PSMA1: variants seen among roughly 807,000 people sequenced by gnomAD.
The protein encoded by PSMA1 is proteasome 20S subunit alpha 1.
PSMA1 carries 3 observed loss-of-function variants against 38.4 expected under a neutral mutation model. The ratio of observed to expected loss-of-function variants is 0.08; its 90% CI spans 0.04 to 0.20. PSMA1 has a LOEUF of 0.20. Among genes scored for constraint, PSMA1 ranks in the 10% least tolerant of loss-of-function variants. The pLI, the probability that PSMA1 is intolerant of heterozygous loss-of-function variation, is 1.00. For synonymous variants in PSMA1, 101 were observed against 107.1 expected (o/e 0.94, Z 0.35); for missense variants, 227 against 325.3 (o/e 0.70, Z 2.32).
Position 14,517,642 on chromosome 11 carries a change from C to A in PSMA1, c.254G>T (p.Cys85Phe). 4 of 1,566,942 alleles carry A rather than the reference C, an allele frequency of 2.6e-6. No individual in the cohort carries two copies. The highest frequency in any genetic ancestry group is 2.0e-5 in the Admixed American group (1 of 50,256). ...GTTTATTTTTCATGATTATACTTAC[C>A]ATAACAGTCTAGCATCAGCAGTAAG... is the stretch of plus-strand genomic sequence containing the variant. ...AGLTADARLL[C>F]NFMRQECLDS... The change falls in exon 4 of 10, where the codon TGT becomes TTT. Residue 85 changes from cysteine to phenylalanine, a missense_variant and splice_region_variant. Physicochemically the swap from Cys to Phe is radical, Grantham distance 205 (BLOSUM62 -2). Transcript: ENST00000396394.
At chr11:14,529,215 T>C (rs1851620248) in intron 2 of PSMA1, among the ~76,000 whole-genome samples, 1 of 152,180 alleles carries the variant, frequency 6.6e-6, no homozygotes, top group African/African-American at 2.4e-5. Context: ...AAGAGCCAAG[T>C]TGAAAATTTT....
At chr11:14,629,852 G>GGTTTGTA (rs1299245592) in intron 1 of PSMA1, among the ~76,000 whole-genome samples, 4 of 151,940 alleles carry the variant, frequency 2.6e-5, no homozygotes, top group Non-Finnish European at 5.9e-5. Context: ...CTTGAGCAGT[G>GGTTTGTA]GTTTGTAGTT....
At chr11:14,614,798 T>C (rs538611660) in intron 1 of PSMA1, among the ~76,000 whole-genome samples, 197 of 152,326 alleles carry the variant, frequency 1.3e-3, no homozygotes, top group South Asian at 6.2e-3. Context: ...GCCTGGACTA[T>C]GGCAAAGATC....
chr11:14,594,856 C>G (rs1386997451), intron 2 of PSMA1, among the ~76,000 whole-genome samples: 2 of 152,070 alleles, frequency 1.3e-5, no homozygotes, highest in Admixed American at 6.5e-5. Flanking sequence ...GTTTGCTGCA[C>G]TCATCAACTC....
intron 1 of PSMA1, among the ~76,000 whole-genome samples, chr11:14,638,533 CTCTCTCTCTCTCTATATA>C (rs1853143935): frequency 3.5e-5 from 1 of 28,972 alleles, no homozygotes; most frequent in Non-Finnish European, 6.4e-5. Context: ...CTCTCTCTCT[CTCTCTCTCTCTCTATATA>C]TATATATATA....
chr11:14,540,886 T>C (rs1218379275), intron 2 of PSMA1, among the ~76,000 whole-genome samples: 1 of 149,052 alleles, frequency 6.7e-6, no homozygotes, highest in Non-Finnish European at 1.5e-5. Context: ...AAAAATGTTA[T>C]AAAGTTAACA....
chr11:14,594,525 T>C (rs990986687), intron 2 of PSMA1, among the ~76,000 whole-genome samples: 4 of 152,234 alleles, frequency 2.6e-5, no homozygotes, highest in Non-Finnish European at 4.4e-5. Flanking sequence ...AGTAAATAAG[T>C]GTTCAATATT....
intron 1 of PSMA1, chr11:14,611,193 T>C (rs949941219): frequency 3.8e-5 from 20 of 522,952 alleles, no homozygotes; most frequent in Admixed American, 7.2e-5. Context: ...TGAGTTATAT[T>C]AGATCTTCAT....
At chr11:14,529,483 C>A (rs939521131) in intron 2 of PSMA1, among the ~76,000 whole-genome samples, 1 of 152,198 alleles carries the variant, frequency 6.6e-6, no homozygotes, top group African/African-American at 2.4e-5. Context: ...CTAATCGCCA[C>A]CACATCTGCC....
chr11:14,622,142 T>A (rs1003209113), intron 1 of PSMA1, among the ~76,000 whole-genome samples: 4 of 152,200 alleles, frequency 2.6e-5, no homozygotes, highest in African/African-American at 7.2e-5. Context: ...AGTCAAGCAA[T>A]TAGTAGCCCC....
chr11:14,621,290 T>C (rs541802548), intron 1 of PSMA1, among the ~76,000 whole-genome samples: 48 of 152,152 alleles, frequency 3.2e-4, no homozygotes, highest in Admixed American at 7.2e-4. Context: ...CTTTTCTTTT[T>C]TTTTTTAATT....
chr11:14,517,557 C>T lies in PSMA1; in HGVS notation c.254+85G>A, dbSNP rs576114750. ...TTACAAGAACTTTGGCAGACAACTTCCTAAAATACCTTATCTGGATCTTTT... is the reference window on the plus strand; with the variant it reads ...TTACAAGAACTTTGGCAGACAACTTTCTAAAATACCTTATCTGGATCTTTT... On this transcript the variant is annotated intron_variant, in intron 4 of 9. Coordinates refer to ENST00000396394, the MANE Select transcript of PSMA1 (RefSeq NM_002786.4). 59 of 1,125,694 alleles carry T rather than the reference C, an allele frequency of 5.2e-5. No individual in the cohort carries two copies. In the African/African-American group the frequency reaches 8.4e-4, roughly 16 times the overall value. 69.7% of individuals were successfully genotyped at this position (1,125,694 alleles called of 1,614,324 possible). A position where few individuals can be genotyped will look rare whatever the true frequency, so the allele number is the denominator to read the frequency against.
intron 1 of PSMA1, among the ~76,000 whole-genome samples, chr11:14,634,771 T>C (rs913716653): frequency 6.6e-6 from 1 of 152,240 alleles, no homozygotes; most frequent in Non-Finnish European, 1.5e-5. Flanking sequence ...GAAGCTAATA[T>C]ATCCCTTCAT....
chr11:14,515,869 A>G (rs1484218000), intron 4 of PSMA1, among the ~76,000 whole-genome samples: 1 of 151,766 alleles, frequency 6.6e-6, no homozygotes, highest in Non-Finnish European at 1.5e-5. Flanking sequence ...TTCTTAAACC[A>G]TAGCATTACT....
At chr11:14,522,484 G>A (rs181442426), upstream of PSMA1, among the ~76,000 whole-genome samples, 9 of 152,100 alleles carry the variant, frequency 5.9e-5, 1 homozygote, top group South Asian at 2.1e-4. Context: ...AATATTCTAC[G>A]CTGCCTGAGA....
intron 2 of PSMA1, among the ~76,000 whole-genome samples, chr11:14,531,339 C>T (rs184969064): frequency 1.2e-4 from 18 of 152,272 alleles, no homozygotes. Flanking sequence ...TCCATATGTA[C>T]TCAATGTTCA....
At chr11:14,587,584 G>GTT (rs1029681243) in intron 2 of PSMA1, among the ~76,000 whole-genome samples, 4 of 139,662 alleles carry the variant, frequency 2.9e-5, no homozygotes, top group Admixed American at 1.4e-4. Flanking sequence ...TGAAAGACCT[G>GTT]TTTTTTTTTT....
Position 14,530,151 on chromosome 11 carries a change from C to G in PSMA1, c.22-11110G>C, listed in dbSNP as rs112190068. 3.6e-3 allele frequency among the ~76,000 whole-genome samples: 546 copies of G among 152,142 alleles called. 7 individuals are homozygous for G. The highest frequency in any genetic ancestry group is 0.013 in the African/African-American group (531 of 41,490). ...GTGACCTCAACCCCTGCCCTACCCC[C>G]CTGCTAGGTGTAGGGATCATATATC... On this transcript the variant is annotated intron_variant, in intron 2 of 10. Transcript: ENST00000418988.
At chr11:14,620,028 T>A (rs1167976176) in intron 1 of PSMA1, among the ~76,000 whole-genome samples, 1 of 152,146 alleles carries the variant, frequency 6.6e-6, no homozygotes, top group African/African-American at 2.4e-5. Context: ...ACAACAGTGA[T>A]TTGCTTTCTT....
Sources: gnomAD v4.1 joint callset for allele counts (sites outside exome capture counted in the v4.1 genomes callset) on GRCh38, gnomAD v4.1.1 for gene constraint, MANE v1.5 for transcripts, NCBI Gene and HGNC (gene_info 2026-07-23, HGNC 2026-07-21) for gene names.